Variants in KDM1A observed in about 807,000 individuals in gnomAD.
KDM1A encodes the protein lysine-specific histone demethylase 1A.
KDM1A carries 49 observed loss-of-function variants against 109.4 expected under a neutral mutation model. That is an observed-to-expected ratio of 0.45 (90% CI 0.36 to 0.57). KDM1A has a LOEUF of 0.57. Among genes scored for constraint, KDM1A ranks in the 20% least tolerant of loss-of-function variants. The pLI is 0.00. For missense variants in KDM1A, 668 were observed against 1,116.6 expected (o/e 0.60, Z 5.73); for synonymous variants, 380 against 415.4 (o/e 0.91, Z 1.04).
In KDM1A at chr1:23,019,626, G is replaced by GGCGGCGGCGGCTGCA; in HGVS notation, c.36_50dup (p.Ala14_Ala18dup). The stretch of plus-strand genomic sequence containing the variant: ...TATCTGGGAAGAAGGCGGCAGCCGC[G>GGCGGCGGCGGCTGCA]GCGGCGGCGGCTGCAGCGGCAGCAA... On this transcript the variant is annotated inframe_insertion, in exon 1 of 21. Transcript: ENST00000400181. 1 of 1,375,226 alleles carries GGCGGCGGCGGCTGCA rather than the reference G, an allele frequency of 7.3e-7. No homozygotes were observed. Among genetic ancestry groups the GGCGGCGGCGGCTGCA allele is most frequent in the Non-Finnish European group, 9.4e-7 (1 of 1,067,576 alleles). 85.2% of individuals were successfully genotyped at this position (1,375,226 alleles called of 1,614,324 possible).
intron 2 of KDM1A, among the ~76,000 whole-genome samples, chr1:23,039,950 A>G (rs969785532): frequency 6.6e-6 from 1 of 152,272 alleles, no homozygotes; most frequent in African/African-American, 2.4e-5. Context: ...TTATTAAATA[A>G]GAAACTCAAT....
intron 9 of KDM1A, among the ~76,000 whole-genome samples, chr1:23,064,105 T>C (rs1248052006): frequency 6.6e-6 from 1 of 152,198 alleles, no homozygotes; most frequent in Non-Finnish European, 1.5e-5. Context: ...CCCAGGCTGG[T>C]CTCAAACTCC....
chr1:23,079,495 T>C lies in KDM1A; in HGVS notation c.2056-58T>C. ...TTAGAAGAGACTTTAAGGAAGTCTGTTGAAGCCAGTATTATCTGGCCCCTG... is the reference window on the plus strand; with the variant it reads ...TTAGAAGAGACTTTAAGGAAGTCTGCTGAAGCCAGTATTATCTGGCCCCTG... On this transcript the variant is annotated intron_variant, in intron 17 of 20. Coordinates refer to ENST00000400181, the MANE Select transcript of KDM1A (RefSeq NM_001009999.3). This position sits in a 1 kb window ranked among gnomAD's most constrained non-coding sequence, Gnocchi z 5.6. The C allele has an allele frequency of 7.9e-7, 1 of 1,268,098 alleles. No homozygotes were observed. The highest frequency in any genetic ancestry group is 1.1e-6 in the Non-Finnish European group (1 of 881,000). The allele number at this position is 1,268,098 out of a possible 1,614,324, so 78.6% of individuals were successfully genotyped here.
intron 7 of KDM1A, among the ~76,000 whole-genome samples, chr1:23,056,583 ATCT>A (rs1306985382): frequency 6.6e-6 from 1 of 152,188 alleles, no homozygotes; most frequent in East Asian, 1.9e-4. Flanking sequence ...AAATCTAATG[ATCT>A]TCTAATGGCT....
rs548213321 is a variant in KDM1A, at chr1:23,063,911, CAGAT to C, written c.1168-2148_1168-2145del. On this transcript the variant is annotated intron_variant, in intron 9 of 20. Transcript: ENST00000400181. Reference sequence around the variant, plus strand: ...CATTGATTATTTTTGTTTTTGGAGACAGATCTTGCAGTGTTGCCCAGGCTGAAGT... The same window carrying C: ...CATTGATTATTTTTGTTTTTGGAGACCTTGCAGTGTTGCCCAGGCTGAAGT... 7.9e-4 allele frequency among the ~76,000 whole-genome samples: 121 copies of C among 152,258 alleles called. 2 individuals are homozygous for C. The highest frequency in any genetic ancestry group is 2.3e-3 in the African/African-American group (97 of 41,552).
chr1:23,081,460 G>T lies in KDM1A; in HGVS notation c.2185G>T (p.Ala729Ser). Reference protein sequence around the residue: ...WNLYKAPILLALVAGEAAGIM... With the variant: ...WNLYKAPILLSLVAGEAAGIM... ...TGTTTCCCCAGCTCCAATACTGTTG[G>T]CACTAGTGGCAGGAGAAGCTGCTGG... The change falls in exon 19 of 21, where the codon GCA becomes TCA. Residue 729 changes from alanine to serine, a missense_variant. By Grantham distance (99) the Ala-to-Ser change is moderately conservative (BLOSUM62 1). Transcript: ENST00000400181. The T allele has an allele frequency of 1.2e-6, 2 of 1,614,108 alleles. No homozygotes were observed. Among genetic ancestry groups the T allele is most frequent in the African/African-American group, 1.3e-5 (1 of 75,032 alleles).
intron 16 of KDM1A, among the ~76,000 whole-genome samples, chr1:23,078,228 ACAGTGCTGAGAAGATCTG>A (rs1643522151): frequency 6.6e-6 from 1 of 152,178 alleles, no homozygotes; most frequent in South Asian, 2.1e-4. Flanking sequence ...CTTGTAGTTG[ACAGTGCTGAGAAGATCTG>A]CAGCCTTGAG....
chr1:23,071,875 G>C (rs1643330502), intron 13 of KDM1A, among the ~76,000 whole-genome samples: 1 of 152,154 alleles, frequency 6.6e-6, no homozygotes, highest in Non-Finnish European at 1.5e-5. Flanking sequence ...CAGCACACTA[G>C]TATGTTTCTT....
chr1:23,021,812 A>G (rs1413821571), intron 1 of KDM1A, among the ~76,000 whole-genome samples: 1 of 152,174 alleles, frequency 6.6e-6, no homozygotes, highest in Non-Finnish European at 1.5e-5. Flanking sequence ...ATCATCCCCA[A>G]AGACATCTGT....
chr1:23,041,430 T>C (rs181418767), intron 2 of KDM1A, among the ~76,000 whole-genome samples: 1,647 of 144,674 alleles, frequency 0.011, 27 homozygotes, highest in African/African-American at 0.039. Flanking sequence ...GAGTTTCTTT[T>C]CTTGCTTTTT....
At chr1:23,032,790 T>C (rs1295455266) in intron 2 of KDM1A, among the ~76,000 whole-genome samples, 2 of 152,234 alleles carry the variant, frequency 1.3e-5, no homozygotes, top group African/African-American at 2.4e-5. Context: ...ATTTGGACAC[T>C]GTGCAGGGTT....
At chr1:23,044,099 G>T (rs944113304) in intron 2 of KDM1A, among the ~76,000 whole-genome samples, 1 of 152,148 alleles carries the variant, frequency 6.6e-6, no homozygotes, top group African/African-American at 2.4e-5. Context: ...GCAGCCGTTA[G>T]TAAAAGACAC....
chr1:23,037,286 A>G (rs567551451), intron 2 of KDM1A, among the ~76,000 whole-genome samples: 1 of 149,344 alleles, frequency 6.7e-6, no homozygotes, highest in East Asian at 2.0e-4. Flanking sequence ...CCTGGGTGAT[A>G]GAGTGAGACC....
chr1:23,081,312 CT>C, intron 18 of KDM1A, 133 bp from the exon 19 acceptor site: 1 of 994,772 alleles, frequency 1.0e-6, no homozygotes, highest in Non-Finnish European at 1.5e-6. Flanking sequence ...TAATCTGTCT[CT>C]TCGCATTTGA....
rs941877129 is a variant in KDM1A, at chr1:23,036,900, A to T, written c.517+6266A>T. ...TCATTGACTTTATTCTACAAATATTATTGTACGATGATAATTATTTTGTCA... is the reference window on the plus strand; with the variant it reads ...TCATTGACTTTATTCTACAAATATTTTTGTACGATGATAATTATTTTGTCA... On this transcript the variant is annotated intron_variant, in intron 2 of 20. Coordinates refer to ENST00000400181, the MANE Select transcript of KDM1A (RefSeq NM_001009999.3). 2.6e-5 allele frequency among the ~76,000 whole-genome samples: 4 copies of T among 152,146 alleles called. No homozygotes were observed. The South Asian group carries it at 8.3e-4, about 32-fold the overall frequency.
At chr1:23,081,316 G>A (rs547016235) in intron 18 of KDM1A, 130 bp from the exon 19 acceptor site, 10 of 1,011,202 alleles carry the variant, frequency 9.9e-6, no homozygotes, top group Middle Eastern at 2.2e-4. Flanking sequence ...CTGTCTCTTC[G>A]CATTTGAATG....
intron 16 of KDM1A, among the ~76,000 whole-genome samples, chr1:23,077,677 C>T (rs1338434954): frequency 1.3e-5 from 2 of 152,174 alleles, no homozygotes; most frequent in Admixed American, 6.5e-5. Flanking sequence ...AGCACCATGT[C>T]AGTGCTCAAA....
intron 4 of KDM1A, among the ~76,000 whole-genome samples, chr1:23,053,098 C>T (rs1431762013): frequency 6.6e-6 from 1 of 152,302 alleles, no homozygotes; most frequent in South Asian, 2.1e-4. Flanking sequence ...TCCCCAACCT[C>T]GACATATCTA....
At chr1:23,066,338 A>C (rs1023881676) in intron 10 of KDM1A, among the ~76,000 whole-genome samples, 2 of 152,220 alleles carry the variant, frequency 1.3e-5, no homozygotes. Flanking sequence ...CTCAGCAAAC[A>C]GAGGGAAGAA....
Sources: gnomAD v4.1 joint callset for allele counts (sites outside exome capture counted in the v4.1 genomes callset) on GRCh38, gnomAD v4.1.1 for gene constraint, Gnocchi (gnomAD v3.1) non-coding constraint, MANE v1.5 for transcripts, NCBI Gene and HGNC (gene_info 2026-07-23, HGNC 2026-07-21) for gene names.